The following NLRP8 variants were observed in gnomAD, a reference collection of about 807,000 sequenced individuals.
NLRP8 encodes NLR family pyrin domain containing 8.
A neutral mutation model predicts 88.7 loss-of-function variants in NLRP8; 86 were observed. The observed-to-expected ratio is 0.97, with a 90% CI of 0.81 to 1.16. The LOEUF (loss-of-function observed/expected upper bound fraction) is 1.16, where lower values mean the gene tolerates loss of function less well. Among genes scored for constraint, NLRP8 ranks in the 50% most tolerant of loss-of-function variants. The pLI is 0.00. For synonymous variants in NLRP8, 504 were observed against 494.6 expected (o/e 1.02, Z -0.25); for missense variants, 1,342 against 1,286.5 (o/e 1.04, Z -0.66).
intron 8 of NLRP8, among the ~76,000 whole-genome samples, chr19:55,979,031 C>T (rs1172435915): frequency 2.6e-5 from 4 of 152,220 alleles, no homozygotes; most frequent in Non-Finnish European, 4.4e-5. Flanking sequence ...CCTCAATACC[C>T]TGCCCAGTCA....
intron 9 of NLRP8, among the ~76,000 whole-genome samples, chr19:55,985,084 A>G (rs1030830309): frequency 9.9e-5 from 15 of 152,200 alleles, no homozygotes; most frequent in African/African-American, 3.6e-4. Context: ...TGGGCGGATC[A>G]CAAGGTCAGG....
chr19:55,966,439 G>A (rs1979847701), intron 5 of NLRP8, 59 bp downstream of exon 5: 1 of 1,515,540 alleles, frequency 6.6e-7, no homozygotes, highest in Non-Finnish European at 9.1e-7. Flanking sequence ...TCTTTTCAAG[G>A]GCGGTGATGA....
Position 55,955,371 on chromosome 19 carries a change from G to C in NLRP8, c.1313G>C (p.Arg438Thr). ...TATATTTCTAGCTTGTTTCCCACCA[G>C]AGCTGAGAACTTTTCCAGAAAGATC... Residue 438 changes from arginine (R) to threonine (T), a missense_variant, in exon 3 of 10, where the codon AGA becomes ACA. Arg to Thr is a moderately conservative substitution (Grantham distance 71). Transcript: ENST00000291971. 1 of 1,614,170 alleles carries C rather than the reference G, an allele frequency of 6.2e-7. No homozygotes were observed. The highest frequency in any genetic ancestry group is 8.5e-7 in the Non-Finnish European group (1 of 1,180,036).
chr19:55,952,641 G>A (rs1312008173), intron 2 of NLRP8, 29 bp downstream of exon 2: 2 of 1,583,990 alleles, frequency 1.3e-6, no homozygotes, highest in African/African-American at 1.3e-5. Context: ...GCAGACCCTG[G>A]TGAAAAAATG....
chr19:55,976,401 T>C (rs1980326401), intron 8 of NLRP8, 98 bp downstream of exon 8: 1 of 1,067,112 alleles, frequency 9.4e-7, no homozygotes, highest in African/African-American at 1.6e-5. Flanking sequence ...TCTTTTTAAG[T>C]TTCTGGATTG....
At chr19:55,987,637 C>T (rs1313759849) in intron 9 of NLRP8, among the ~76,000 whole-genome samples, 1 of 152,170 alleles carries the variant, frequency 6.6e-6, no homozygotes, top group Non-Finnish European at 1.5e-5. Flanking sequence ...GGGTCTGAGA[C>T]TTCAAGCCCT....
chr19:55,958,047 G>A (rs1002984990), intron 3 of NLRP8, among the ~76,000 whole-genome samples: 5 of 152,142 alleles, frequency 3.3e-5, no homozygotes, highest in Admixed American at 3.3e-4. Flanking sequence ...GAGGTCAGGT[G>A]TATGGAGCAC....
intron 6 of NLRP8, 107 bp downstream of exon 6, chr19:55,970,803 G>A: frequency 1.4e-6 from 2 of 1,403,318 alleles, no homozygotes; most frequent in Non-Finnish European, 2.0e-6. Flanking sequence ...TACATGTATA[G>A]GAGCAAACAT....
At position 55,956,062 on chromosome 19, in the gene NLRP8, C is replaced by T. The variant is rs756046140; in HGVS notation, c.2004C>T (p.Asn668=). The T allele has an allele frequency of 1.1e-5, 17 of 1,613,734 alleles. No homozygotes were observed. Among genetic ancestry groups the T allele is most frequent in the East Asian group, 6.7e-5 (3 of 44,888 alleles). ...TGACCGTCACCCTGAACTTCATGAA[C>T]GTGTGGAAGCTCAGCTCCAGCTCCC... The change falls in exon 3 of 10, where the codon AAC becomes AAT. Residue 668 remains asparagine, a synonymous_variant. Coordinates refer to ENST00000291971, the MANE Select transcript of NLRP8 (RefSeq NM_176811.2).
chr19:55,952,357 A>C (rs529587780), intron 1 of NLRP8, among the ~76,000 whole-genome samples, 181 bp from the exon 2 acceptor site: 76 of 152,232 alleles, frequency 5.0e-4, no homozygotes, highest in African/African-American at 1.7e-3. Flanking sequence ...TCATTTCCTA[A>C]AATTGCTGTG....
At chr19:55,975,133 T>A (rs1398952596) in intron 7 of NLRP8, among the ~76,000 whole-genome samples, 1 of 152,178 alleles carries the variant, frequency 6.6e-6, no homozygotes, top group Non-Finnish European at 1.5e-5. Context: ...CACCGAACCA[T>A]AACCATCGAA....
intron 4 of NLRP8, among the ~76,000 whole-genome samples, chr19:55,965,949 C>A (rs1979818487): frequency 1.3e-5 from 2 of 151,934 alleles, no homozygotes; most frequent in Non-Finnish European, 2.9e-5. Context: ...AATGATGGTT[C>A]CAACCCAAAT....
At chr19:55,971,945 A>G (rs1980091841) in intron 6 of NLRP8, among the ~76,000 whole-genome samples, 1 of 151,802 alleles carries the variant, frequency 6.6e-6, no homozygotes, top group Non-Finnish European at 1.5e-5. Flanking sequence ...CTGACTGTTC[A>G]TCTTAGTTTA....
intron 9 of NLRP8, among the ~76,000 whole-genome samples, chr19:55,987,394 G>T (rs893082664): frequency 6.6e-6 from 1 of 152,210 alleles, no homozygotes; most frequent in Non-Finnish European, 1.5e-5. Context: ...TACAGAGTAG[G>T]GGGTACTGCA....
intron 9 of NLRP8, 67 bp downstream of exon 9, chr19:55,979,631 A>T: frequency 6.4e-7 from 1 of 1,566,384 alleles, no homozygotes; most frequent in Non-Finnish European, 8.7e-7. Flanking sequence ...AAAACGTGAG[A>T]TGCTGGGCTG....
chr19:55,960,897 C>CTTTTTTTTTT (rs36087472), intron 3 of NLRP8, among the ~76,000 whole-genome samples: 7 of 91,006 alleles, frequency 7.7e-5, no homozygotes, highest in South Asian at 4.3e-4. Context: ...AACTATTTCT[C>CTTTTTTTTTT]TTTTTTTTTT....
At chr19:55,972,383 G>T (rs573292495) in intron 6 of NLRP8, among the ~76,000 whole-genome samples, 18 of 151,720 alleles carry the variant, frequency 1.2e-4, no homozygotes, top group Middle Eastern at 3.4e-3. Flanking sequence ...CCAAAGTGCT[G>T]GGATTACAGA....
rs777799010 is a variant in NLRP8 at position 55,955,842 on chromosome 19, A to G, written c.1784A>G (p.His595Arg). The change falls in exon 3 of 10, where the codon CAT becomes CGT. Residue 595 changes from histidine to arginine, a missense_variant. Coordinates refer to ENST00000291971, the MANE Select transcript of NLRP8 (RefSeq NM_176811.2). ...CTGCTGAAAGTCATACCTCTGTTGC[A>G]TAAATGTGACCCACCTTCTCCGGGC... The G allele has an allele frequency of 1.2e-6, 2 of 1,614,070 alleles. No individual in the cohort carries two copies. Among genetic ancestry groups the G allele is most frequent in the Admixed American group, 1.7e-5 (1 of 60,004 alleles).
chr19:55,950,711 G>A lies in NLRP8; in HGVS notation c.368-1827G>A, dbSNP rs61326185. The stretch of plus-strand genomic sequence containing the variant: ...GTGGTGCCACACTTTTGTGCTTTGA[G>A]TTGGTGGTTTTGCTGTTTAAAATAG... On this transcript the variant is annotated intron_variant, in intron 1 of 9. Coordinates refer to ENST00000291971, the MANE Select transcript of NLRP8 (RefSeq NM_176811.2). Among the ~76,000 whole-genome samples, 1,371 of 152,282 alleles carry A rather than the reference G, an allele frequency of 9.0e-3. 27 individuals are homozygous for A. Among genetic ancestry groups the A allele is most frequent in the African/African-American group, 0.032 (1,317 of 41,570 alleles).
Sources: allele counts gnomAD v4.1 joint callset (sites outside exome capture counted in the v4.1 genomes callset), GRCh38; gene constraint gnomAD v4.1.1; transcripts MANE v1.5; gene names NCBI Gene and HGNC (gene_info 2026-07-23, HGNC 2026-07-21).